XYLT1: variants seen among roughly 807,000 people sequenced by gnomAD.
The protein encoded by XYLT1 is xylosyltransferase 1, also known as beta-D-xylosyltransferase 1.
In XYLT1, 36 loss-of-function variants were observed where a neutral mutation model predicts 91.3. The ratio of observed to expected loss-of-function variants is 0.39; its 90% CI spans 0.30 to 0.52. The LOEUF (loss-of-function observed/expected upper bound fraction) is 0.52, where lower values mean the gene tolerates loss of function less well. Among genes scored for constraint, XYLT1 ranks in the 20% least tolerant of loss-of-function variants. The pLI is 0.68. For synonymous variants in XYLT1, 588 were observed against 532.0 expected (o/e 1.11, Z -1.45); for missense variants, 1,242 against 1,284.5 (o/e 0.97, Z 0.51).
intron 1 of XYLT1, among the ~76,000 whole-genome samples, chr16:17,401,938 G>A (rs1238872348): frequency 6.6e-6 from 1 of 152,138 alleles, no homozygotes; most frequent in Non-Finnish European, 1.5e-5. Context: ...TAAATAAGGT[G>A]CATCAACGCA....
At chr16:17,161,180 A>G (rs922799412) in intron 5 of XYLT1, among the ~76,000 whole-genome samples, 2 of 152,084 alleles carry the variant, frequency 1.3e-5, no homozygotes, top group East Asian at 1.9e-4. Context: ...AGCTGGGGCC[A>G]TTTTCACATT....
At chr16:17,199,728 T>G (rs1281418371) in intron 4 of XYLT1, among the ~76,000 whole-genome samples, 1 of 152,208 alleles carries the variant, frequency 6.6e-6, no homozygotes, top group Non-Finnish European at 1.5e-5. Flanking sequence ...ATGTAAGACT[T>G]GCTTTTTGCC....
At chr16:17,295,053 T>A (rs1047542424) in intron 2 of XYLT1, among the ~76,000 whole-genome samples, 3 of 152,062 alleles carry the variant, frequency 2.0e-5, no homozygotes, top group African/African-American at 7.2e-5. Context: ...ATGCAATGGG[T>A]GCATTTCTTA....
chr16:17,251,946 G>C (rs1457349567), intron 3 of XYLT1, among the ~76,000 whole-genome samples: 1 of 151,970 alleles, frequency 6.6e-6, no homozygotes, highest in Non-Finnish European at 1.5e-5. Context: ...GGAGGGGGCT[G>C]GGGAGGACTG....
At chr16:17,451,660 A>G (rs2036667343) in intron 1 of XYLT1, among the ~76,000 whole-genome samples, 1 of 152,202 alleles carries the variant, frequency 6.6e-6, no homozygotes, top group South Asian at 2.1e-4. Flanking sequence ...GCTGTTGCTG[A>G]GAGGACATCA....
chr16:17,149,018 A>G (rs9931376), intron 6 of XYLT1, among the ~76,000 whole-genome samples: 3,597 of 152,346 alleles, frequency 0.024, 148 homozygotes, highest in African/African-American at 0.081. Flanking sequence ...CACACTAAGG[A>G]AAAAGTCACA....
intron 3 of XYLT1, among the ~76,000 whole-genome samples, chr16:17,213,923 GC>G (rs1367555927): frequency 6.6e-6 from 1 of 152,070 alleles, no homozygotes; most frequent in Non-Finnish European, 1.5e-5. Context: ...AGCCATTTGA[GC>G]AACCTTTCAG....
chr16:17,264,726 C>A (rs927299315), intron 2 of XYLT1, among the ~76,000 whole-genome samples: 2 of 152,166 alleles, frequency 1.3e-5, no homozygotes, highest in African/African-American at 4.8e-5. Flanking sequence ...CTCACCAAAA[C>A]AGACAGTATT....
intron 3 of XYLT1, among the ~76,000 whole-genome samples, chr16:17,207,302 T>G (rs1463556198): frequency 6.6e-6 from 1 of 152,112 alleles, no homozygotes; most frequent in Non-Finnish European, 1.5e-5. Context: ...TTAGGTGATC[T>G]AACTGTCTCA....
chr16:17,382,211 C>T (rs2035691325), intron 1 of XYLT1, among the ~76,000 whole-genome samples: 1 of 151,902 alleles, frequency 6.6e-6, no homozygotes, highest in Non-Finnish European at 1.5e-5. Flanking sequence ...TGGGCCTCTC[C>T]ATCTTTCTGG....
chr16:17,272,473 T>C (rs1445177440), intron 2 of XYLT1, among the ~76,000 whole-genome samples: 1 of 152,084 alleles, frequency 6.6e-6, no homozygotes, highest in Non-Finnish European at 1.5e-5. Context: ...CCATGTCTCT[T>C]AATTTAAGCC....
At chr16:17,155,334 CAG>C in intron 6 of XYLT1, among the ~76,000 whole-genome samples, 1 of 152,044 alleles carries the variant, frequency 6.6e-6, no homozygotes, top group Non-Finnish European at 1.5e-5. Flanking sequence ...CACAGAAAAA[CAG>C]AACTAATAGA....
At chr16:17,146,999 C>T (rs966876609) in intron 6 of XYLT1, among the ~76,000 whole-genome samples, 7 of 152,156 alleles carry the variant, frequency 4.6e-5, no homozygotes, top group African/African-American at 1.4e-4. Context: ...CTCAGTTTCC[C>T]CCTTGGTAAA....
Position 17,371,701 on chromosome 16 carries a change from G to T in XYLT1, c.364-13651C>A, listed in dbSNP as rs1408583009. ...AAGGAAGGAAGGACCTCATGTGGTG[G>T]CAGGTGCAGCATATTTTACTGCAAC... is the stretch of plus-strand genomic sequence containing the variant. On this transcript the variant is annotated intron_variant, in intron 1 of 11. Transcript: ENST00000261381. 2.0e-5 allele frequency among the ~76,000 whole-genome samples: 3 copies of T among 152,210 alleles called. No homozygotes were observed. In the East Asian group the frequency reaches 5.8e-4, roughly 29 times the overall value.
intron 6 of XYLT1, among the ~76,000 whole-genome samples, chr16:17,158,287 G>A (rs1597158019): frequency 6.6e-6 from 1 of 152,162 alleles, no homozygotes; most frequent in Non-Finnish European, 1.5e-5. Flanking sequence ...CACCAGTGAG[G>A]GAGTGAGGAG....
At chr16:17,289,401 G>A (rs1265044299) in intron 2 of XYLT1, among the ~76,000 whole-genome samples, 2 of 151,832 alleles carry the variant, frequency 1.3e-5, no homozygotes, top group South Asian at 2.1e-4. Context: ...ATAAAATCCC[G>A]CAATTGTCTT....
chr16:17,163,700 G>A (rs1484124487), intron 5 of XYLT1, among the ~76,000 whole-genome samples: 2 of 152,152 alleles, frequency 1.3e-5, no homozygotes, highest in Non-Finnish European at 2.9e-5. Flanking sequence ...GAGCCCAGGG[G>A]ACACTGGAGT....
At chr16:17,425,959 G>C (rs1786867126) in intron 1 of XYLT1, among the ~76,000 whole-genome samples, 1 of 152,078 alleles carries the variant, frequency 6.6e-6, no homozygotes, top group Non-Finnish European at 1.5e-5. Flanking sequence ...CCACTTCCAT[G>C]TCTATACGTG....
At chr16:17,429,404 G>A (rs1235890897) in intron 1 of XYLT1, among the ~76,000 whole-genome samples, 1 of 152,204 alleles carries the variant, frequency 6.6e-6, no homozygotes, top group African/African-American at 2.4e-5. Flanking sequence ...TAACTCAACG[G>A]CAAGTATGTT....
Sources: allele counts gnomAD v4.1 joint callset (sites outside exome capture counted in the v4.1 genomes callset), GRCh38; gene constraint gnomAD v4.1.1; transcripts MANE v1.5; gene names NCBI Gene and HGNC (gene_info 2026-07-23, HGNC 2026-07-21).